Variants in CAMK2B observed in about 807,000 individuals in gnomAD.
CAMK2B encodes the protein calcium/calmodulin-dependent protein kinase type II subunit beta.
In CAMK2B, 27 loss-of-function variants were observed where a neutral mutation model predicts 93.7. That is an observed-to-expected ratio of 0.29 (90% CI 0.21 to 0.40). CAMK2B has a LOEUF of 0.40. CAMK2B is among the 10% of genes least tolerant of loss of function. The probability of loss-of-function intolerance (pLI) is 1.00; values close to 1 mark genes in which losing one functional copy is unlikely to be tolerated. For synonymous variants in CAMK2B, 374 were observed against 358.8 expected, an observed-to-expected ratio of 1.04 and a Z score of -0.48; for missense variants, 568 against 895.8, an observed-to-expected ratio of 0.63 and a Z score of 4.67.
chr7:44,282,186 C>G (rs1290522765), intron 2 of CAMK2B, among the ~76,000 whole-genome samples: 1 of 152,232 alleles, frequency 6.6e-6, no homozygotes, highest in Non-Finnish European at 1.5e-5. Context: ...CCCACAGGAA[C>G]TGGCCACAGG....
chr7:44,276,425 C>T (rs2097042184), intron 2 of CAMK2B, among the ~76,000 whole-genome samples: 1 of 151,146 alleles, frequency 6.6e-6, no homozygotes, highest in African/African-American at 2.5e-5. Context: ...CCGGAGGCAG[C>T]ACCCCCCCGC....
chr7:44,274,154 C>T (rs1172315868), intron 2 of CAMK2B, among the ~76,000 whole-genome samples: 1 of 152,200 alleles, frequency 6.6e-6, no homozygotes, highest in Non-Finnish European at 1.5e-5. Context: ...TCAATAAACC[C>T]TCCATGACCT....
At chr7:44,223,447 C>T (rs2128873722) in intron 20 of CAMK2B, among the ~76,000 whole-genome samples, 1 of 152,312 alleles carries the variant, frequency 6.6e-6, no homozygotes, top group African/African-American at 2.4e-5. Flanking sequence ...CCTCCAGTTC[C>T]TGCTGCAGCC....
At chr7:44,306,496 G>C (rs1158156961) in intron 1 of CAMK2B, among the ~76,000 whole-genome samples, 1 of 152,226 alleles carries the variant, frequency 6.6e-6, no homozygotes, top group Non-Finnish European at 1.5e-5. Flanking sequence ...CAGAGATGAA[G>C]ACAGGAGGGA....
At chr7:44,317,918 A>C (rs1301103025) in intron 1 of CAMK2B, among the ~76,000 whole-genome samples, 1 of 152,168 alleles carries the variant, frequency 6.6e-6, no homozygotes, top group Non-Finnish European at 1.5e-5. Flanking sequence ...CTAGGTATGC[A>C]GTGCCCATTG....
Position 44,239,584 on chromosome 7 carries a change from T to A in CAMK2B, c.1021+5A>T. ...CGGGCGGGACGCTGGTCGAGACACA[T>A]CTACCTTGTTCCACCAGCCCCATGG... is the stretch of plus-strand genomic sequence containing the variant. On this transcript the variant is annotated splice_donor_5th_base_variant and intron_variant, in intron 13 of 23. Transcript: ENST00000395749. 6.5e-7 allele frequency: 1 copy of A among 1,548,680 alleles called. No individual in the cohort carries two copies. The highest frequency in any genetic ancestry group is 8.7e-7 in the Non-Finnish European group (1 of 1,146,228).
rs2096549193 is a variant in CAMK2B, at chr7:44,228,899, G to A, written c.1365C>T (p.Asn455=). 6.2e-7 allele frequency: 1 copy of A among 1,608,038 alleles called. No homozygotes were observed. The highest frequency in any genetic ancestry group is 1.3e-5 in the African/African-American group (1 of 74,866). ...GGGTTCCTGAACCCCTTCTCACAGA[G>A]TTCAGGATGTCAGAGATCCTGGGGG... ...APSPRISDIL[N]SVRRGSGTPE... Residue 455 remains asparagine, a synonymous_variant, in exon 19 of 24, where the codon AAC becomes AAT. Transcript: ENST00000395749.
intron 20 of CAMK2B, 24 bp downstream of exon 20, chr7:44,226,492 A>G (rs1264947783): frequency 1.4e-6 from 2 of 1,389,498 alleles, no homozygotes; most frequent in East Asian, 5.6e-5. Flanking sequence ...AGCCGCTGCC[A>G]CGGCCACTCA....
At chr7:44,293,592 T>C (rs1787453498) in intron 1 of CAMK2B, among the ~76,000 whole-genome samples, 1 of 152,184 alleles carries the variant, frequency 6.6e-6, no homozygotes, top group South Asian at 2.1e-4. Context: ...GAAAATAGTT[T>C]GAACAGAATG....
At chr7:44,308,293 G>A (rs751730364) in intron 1 of CAMK2B, among the ~76,000 whole-genome samples, 1 of 152,242 alleles carries the variant, frequency 6.6e-6, no homozygotes, top group Non-Finnish European at 1.5e-5. Context: ...AAGCTGAGCT[G>A]TGGGATGAAA....
intron 2 of CAMK2B, among the ~76,000 whole-genome samples, chr7:44,283,748 G>A (rs866317580): frequency 9.9e-5 from 15 of 152,214 alleles, no homozygotes; most frequent in African/African-American, 1.7e-4. Flanking sequence ...CCACCATGGC[G>A]GCCTGGCCAC....
At chr7:44,252,408 G>A (rs1341448066) in intron 5 of CAMK2B, among the ~76,000 whole-genome samples, 2 of 151,830 alleles carry the variant, frequency 1.3e-5, no homozygotes, top group Non-Finnish European at 2.9e-5. Flanking sequence ...CTGGGGGGCT[G>A]CAGGACATCA....
intron 6 of CAMK2B, among the ~76,000 whole-genome samples, chr7:44,245,210 G>C (rs1188684080): frequency 1.3e-5 from 2 of 152,100 alleles, no homozygotes; most frequent in Admixed American, 1.3e-4. Context: ...TAGCTCTCAG[G>C]CTGTGCCCAC....
intron 2 of CAMK2B, among the ~76,000 whole-genome samples, chr7:44,266,569 G>T (rs1384104070): frequency 6.6e-6 from 1 of 152,192 alleles, no homozygotes; most frequent in Non-Finnish European, 1.5e-5. Context: ...TCATTCTGGG[G>T]GGTTCTGGTC....
intron 1 of CAMK2B, among the ~76,000 whole-genome samples, chr7:44,299,992 G>A (rs1436220071): frequency 6.7e-6 from 1 of 150,292 alleles, no homozygotes; most frequent in African/African-American, 2.5e-5. Flanking sequence ...GTAACTATAT[G>A]TATATATGTA....
intron 6 of CAMK2B, among the ~76,000 whole-genome samples, chr7:44,246,523 ATGTACACACT>A (rs2096732004): frequency 6.6e-6 from 1 of 152,062 alleles, no homozygotes. Flanking sequence ...ATGCCCACAC[ATGTACACACT>A]TGTACACACT....
In CAMK2B at chr7:44,242,206, AG is replaced by A; in HGVS notation, c.819+11del. On this transcript the variant is annotated intron_variant, in intron 10 of 23. Coordinates refer to ENST00000395749, the MANE Select transcript of CAMK2B (RefSeq NM_001220.5). ...AGCCCCCTCCCCACCATGGGCACCA[AG>A]GGCGACTCACGCAGACCCACGGGTG... 1 of 1,609,466 alleles carries A rather than the reference AG, an allele frequency of 6.2e-7. No homozygotes were observed. Among genetic ancestry groups the A allele is most frequent in the Non-Finnish European group, 8.5e-7 (1 of 1,177,116 alleles).
Position 44,225,887 on chromosome 7 carries a change from C to G in CAMK2B, c.1597+629G>C. ...GTGGCAGCAGCCCTGGGATGTCATC[C>G]ATCCCTGTAAGTGATACTGCGGGTA... is the stretch of plus-strand genomic sequence containing the variant. On this transcript the variant is annotated intron_variant, in intron 20 of 23. Coordinates refer to ENST00000395749, the MANE Select transcript of CAMK2B (RefSeq NM_001220.5). The surrounding 1 kb of genome is among the most constrained non-coding windows in gnomAD (Gnocchi z 5.0). The G allele has an allele frequency of 7.8e-7, 1 of 1,289,244 alleles. No individual in the cohort carries two copies. The highest frequency in any genetic ancestry group is 1.0e-6 in the Non-Finnish European group (1 of 988,646). The allele number at this position is 1,289,244 out of a possible 1,614,324, so 79.9% of individuals were successfully genotyped here.
chr7:44,241,262 T>TCCCTCCC (rs2096675580), intron 11 of CAMK2B, among the ~76,000 whole-genome samples: 1 of 152,190 alleles, frequency 6.6e-6, no homozygotes, highest in African/African-American at 2.4e-5. Flanking sequence ...GATACCCTAC[T>TCCCTCCC]GGGACCCACC....
Sources: gnomAD v4.1 joint callset for allele counts (sites outside exome capture counted in the v4.1 genomes callset) on GRCh38, gnomAD v4.1.1 for gene constraint, Gnocchi (gnomAD v3.1) non-coding constraint, MANE v1.5 for transcripts, NCBI Gene and HGNC (gene_info 2026-07-23, HGNC 2026-07-21) for gene names.